Variants in CDH6 observed in about 807,000 individuals in gnomAD.
CDH6 encodes cadherin-6.
CDH6 carries 31 observed loss-of-function variants against 78.0 expected under a neutral mutation model. The ratio of observed to expected loss-of-function variants is 0.40; its 90% CI spans 0.30 to 0.54. The LOEUF (loss-of-function observed/expected upper bound fraction) is 0.54. Among genes scored for constraint, CDH6 ranks in the 20% least tolerant of loss-of-function variants. The probability of loss-of-function intolerance (pLI) is 0.56; values close to 1 mark genes in which losing one functional copy is unlikely to be tolerated. For synonymous variants in CDH6, 376 were observed against 368.8 expected (o/e 1.02, Z -0.23); for missense variants, 724 against 975.9 (o/e 0.74, Z 3.44).
intron 1 of CDH6, among the ~76,000 whole-genome samples, chr5:31,253,303 AG>A (rs1289832932): frequency 6.6e-6 from 1 of 152,202 alleles, no homozygotes; most frequent in African/African-American, 2.4e-5. Flanking sequence ...CATGATAATG[AG>A]TGAGTTCTCA....
chr5:31,248,128 AC>A (rs1159612346), intron 1 of CDH6, among the ~76,000 whole-genome samples: 1 of 152,164 alleles, frequency 6.6e-6, no homozygotes, highest in East Asian at 1.9e-4. Flanking sequence ...TACACTATCC[AC>A]TCTGGCCAGG....
At chr5:31,320,363 C>T (rs546032889) in intron 11 of CDH6, among the ~76,000 whole-genome samples, 5 of 152,222 alleles carry the variant, frequency 3.3e-5, no homozygotes, top group South Asian at 2.1e-4. Context: ...CGCTTTCAGA[C>T]GTGCATAAGA....
chr5:31,220,942 T>C (rs964341823), intron 1 of CDH6, among the ~76,000 whole-genome samples: 2 of 152,162 alleles, frequency 1.3e-5, no homozygotes, highest in Non-Finnish European at 2.9e-5. Flanking sequence ...ATCCTGAACA[T>C]CTGGATTTAT....
At chr5:31,234,757 C>T (rs115716607) in intron 1 of CDH6, among the ~76,000 whole-genome samples, 1 of 152,244 alleles carries the variant, frequency 6.6e-6, no homozygotes, top group African/African-American at 2.4e-5. Flanking sequence ...TATTGATTAG[C>T]TCAAATTATA....
intron 2 of CDH6, among the ~76,000 whole-genome samples, chr5:31,281,691 A>G (rs1279463618): frequency 2.0e-5 from 3 of 152,232 alleles, no homozygotes; most frequent in Admixed American, 2.0e-4. Flanking sequence ...AATGAACAAT[A>G]ACATTTATTA....
chr5:31,256,604 A>T (rs1354087028), intron 1 of CDH6, among the ~76,000 whole-genome samples: 1 of 152,126 alleles, frequency 6.6e-6, no homozygotes, highest in East Asian at 1.9e-4. Context: ...AATAAAGGTG[A>T]TATATTGGTC....
At chr5:31,210,816 G>GT (rs577685453) in intron 1 of CDH6, among the ~76,000 whole-genome samples, 5 of 151,728 alleles carry the variant, frequency 3.3e-5, no homozygotes, top group East Asian at 3.9e-4. Flanking sequence ...TATTTTTTGG[G>GT]TTTTTTTTCC....
At chr5:31,207,142 G>A (rs1348587653) in intron 1 of CDH6, among the ~76,000 whole-genome samples, 2 of 152,160 alleles carry the variant, frequency 1.3e-5, no homozygotes, top group Non-Finnish European at 2.9e-5. Context: ...TTTGGGCAAG[G>A]CATTGTGTCA....
chr5:31,196,989 A>G (rs1380502140), intron 1 of CDH6, among the ~76,000 whole-genome samples: 1 of 152,126 alleles, frequency 6.6e-6, no homozygotes, highest in Non-Finnish European at 1.5e-5. Context: ...AAGAAAAGAA[A>G]TATTTGCAGG....
chr5:31,290,758 G>A (rs1035536759), intron 2 of CDH6, among the ~76,000 whole-genome samples: 5 of 152,122 alleles, frequency 3.3e-5, no homozygotes, highest in African/African-American at 2.4e-5. Flanking sequence ...TTTCTGCTCC[G>A]TGTACTCGGT....
chr5:31,303,751 A>G (rs1487690633), intron 6 of CDH6, among the ~76,000 whole-genome samples: 1 of 152,176 alleles, frequency 6.6e-6, no homozygotes, highest in Non-Finnish European at 1.5e-5. Flanking sequence ...GTAAATAACA[A>G]GAGATTTTTT....
At chr5:31,272,263 G>A (rs1456968590) in intron 2 of CDH6, among the ~76,000 whole-genome samples, 1 of 152,202 alleles carries the variant, frequency 6.6e-6, no homozygotes, top group Non-Finnish European at 1.5e-5. Context: ...AACCAGCAGA[G>A]TGAATGAGTC....
At chr5:31,195,592 C>T (rs554252412) in intron 1 of CDH6, among the ~76,000 whole-genome samples, 1 of 152,130 alleles carries the variant, frequency 6.6e-6, no homozygotes, top group Non-Finnish European at 1.5e-5. Context: ...ACCGTAAAAC[C>T]AGTTGTGTGA....
chr5:31,226,077 G>A (rs1561031371), intron 1 of CDH6, among the ~76,000 whole-genome samples: 1 of 152,084 alleles, frequency 6.6e-6, no homozygotes, highest in Non-Finnish European at 1.5e-5. Flanking sequence ...CACTTCTCAG[G>A]TTAGATATAA....
At chr5:31,223,408 AT>A (rs1225538844) in intron 1 of CDH6, among the ~76,000 whole-genome samples, 3 of 152,236 alleles carry the variant, frequency 2.0e-5, no homozygotes, top group African/African-American at 7.2e-5. Context: ...TTTCAAAAAA[AT>A]GGAAGCTTTG....
chr5:31,315,925 G>A (rs1170842508), intron 8 of CDH6, among the ~76,000 whole-genome samples: 1 of 152,052 alleles, frequency 6.6e-6, no homozygotes, highest in Non-Finnish European at 1.5e-5. Flanking sequence ...CCTCTAAAAT[G>A]CCTTTCTTGG....
At chr5:31,255,160 G>A (rs756018490) in intron 1 of CDH6, among the ~76,000 whole-genome samples, 4 of 152,150 alleles carry the variant, frequency 2.6e-5, no homozygotes, top group Non-Finnish European at 5.9e-5. Flanking sequence ...TGATTACTTC[G>A]AAACATCAAG....
At chr5:31,270,501 T>C (rs984785135) in intron 2 of CDH6, among the ~76,000 whole-genome samples, 3 of 152,206 alleles carry the variant, frequency 2.0e-5, no homozygotes, top group Admixed American at 2.0e-4. Flanking sequence ...TTTTCCACTT[T>C]GATTTTTCCA....
intron 7 of CDH6, among the ~76,000 whole-genome samples, chr5:31,308,596 G>T (rs1738060599): frequency 6.6e-6 from 1 of 152,116 alleles, no homozygotes; most frequent in Middle Eastern, 3.4e-3. Flanking sequence ...AACAAGCAAG[G>T]CTTGTGTACA....
Sources: gnomAD v4.1 joint callset for allele counts (sites outside exome capture counted in the v4.1 genomes callset) on GRCh38, gnomAD v4.1.1 for gene constraint, MANE v1.5 for transcripts, NCBI Gene and HGNC (gene_info 2026-07-23, HGNC 2026-07-21) for gene names.